The following KCNIP4 variants were observed in gnomAD, a reference collection of about 807,000 sequenced individuals.
KCNIP4 encodes the protein Kv channel-interacting protein 4.
Under a neutral mutation model 34.0 loss-of-function variants are expected in KCNIP4, and 12 were observed. The ratio of observed to expected loss-of-function variants is 0.35; its 90% CI spans 0.23 to 0.57. The LOEUF is 0.57. Among genes scored for constraint, KCNIP4 ranks in the 20% least tolerant of loss-of-function variants. The probability of loss-of-function intolerance (pLI) is 0.83; values close to 1 mark genes in which losing one functional copy is unlikely to be tolerated. For synonymous variants in KCNIP4, 124 were observed against 102.2 expected (o/e 1.21, Z -1.29); for missense variants, 238 against 311.7 (o/e 0.76, Z 1.78).
chr4:21,247,982 T>C (rs201440002), intron 1 of KCNIP4, among the ~76,000 whole-genome samples: 210 of 105,090 alleles, frequency 2.0e-3, no homozygotes, highest in Middle Eastern at 4.8e-3. Context: ...CATATATATA[T>C]ACACACACAC....
rs548461976 is a variant in KCNIP4 at position 21,569,532 on chromosome 4, A to G, written c.61+379039T>C. ...GCTTCCTCACATAGCAAAGGAGGTAAAATTCAAAAATGATATAAAAATAAG... is the reference window on the plus strand; with the variant it reads ...GCTTCCTCACATAGCAAAGGAGGTAGAATTCAAAAATGATATAAAAATAAG... On this transcript the variant is annotated intron_variant, in intron 1 of 8. Transcript: ENST00000382152. 3.3e-5 allele frequency among the ~76,000 whole-genome samples: 5 copies of G among 152,192 alleles called. No individual in the cohort carries two copies. In the East Asian group the frequency reaches 9.7e-4, roughly 29 times the overall value.
intron 1 of KCNIP4, among the ~76,000 whole-genome samples, chr4:21,200,386 A>G (rs939331494): frequency 6.6e-5 from 4 of 60,554 alleles, no homozygotes; most frequent in Non-Finnish European, 1.2e-4. Flanking sequence ...ATGTGTGTAT[A>G]TATATATATA....
At chr4:20,731,349 C>T (rs1748149331) in intron 8 of KCNIP4, 3 of 971,806 alleles carry the variant, frequency 3.1e-6, no homozygotes, top group Non-Finnish European at 3.7e-6. Context: ...GCTGGGATTA[C>T]AGTTGTGAGC....
chr4:21,838,063 T>C (rs1723458347), intron 1 of KCNIP4, among the ~76,000 whole-genome samples: 1 of 152,136 alleles, frequency 6.6e-6, no homozygotes, highest in Non-Finnish European at 1.5e-5. Context: ...ATATAAAACT[T>C]AAGGACAAAG....
intron 3 of KCNIP4, among the ~76,000 whole-genome samples, chr4:20,794,289 G>T (rs956074257): frequency 6.6e-6 from 1 of 152,156 alleles, no homozygotes; most frequent in Admixed American, 6.5e-5. Context: ...TTTGATAGGA[G>T]TCGGAGCTCA....
At chr4:20,885,500 C>A (rs1015511193) in intron 1 of KCNIP4, among the ~76,000 whole-genome samples, 2 of 151,868 alleles carry the variant, frequency 1.3e-5, no homozygotes, top group African/African-American at 4.8e-5. Context: ...ATCAGCAGCA[C>A]CCTTTCCATT....
intron 1 of KCNIP4, among the ~76,000 whole-genome samples, chr4:21,286,675 T>C (rs1239385138): frequency 6.6e-6 from 1 of 152,232 alleles, no homozygotes; most frequent in Non-Finnish European, 1.5e-5. Context: ...TGACATATGC[T>C]TGTGCTTTTC....
At chr4:21,175,864 G>A in intron 1 of KCNIP4, among the ~76,000 whole-genome samples, 1 of 152,118 alleles carries the variant, frequency 6.6e-6, no homozygotes, top group Admixed American at 6.6e-5. Context: ...ACTACAGAAA[G>A]GGAAACCCCA....
At chr4:20,778,759 A>G (rs1004270641) in intron 3 of KCNIP4, among the ~76,000 whole-genome samples, 1 of 152,236 alleles carries the variant, frequency 6.6e-6, no homozygotes. Flanking sequence ...AAGAGTTAAG[A>G]AATAAATGCA....
intron 1 of KCNIP4, among the ~76,000 whole-genome samples, chr4:21,423,808 A>ATT (rs58053047): frequency 1.6e-3 from 230 of 141,378 alleles, no homozygotes; most frequent in Admixed American, 2.1e-3. Flanking sequence ...ACTTATGAGA[A>ATT]TTTTTTTTTT....
At chr4:21,605,838 T>C (rs1294046890) in intron 1 of KCNIP4, among the ~76,000 whole-genome samples, 1 of 152,114 alleles carries the variant, frequency 6.6e-6, no homozygotes, top group Non-Finnish European at 1.5e-5. Context: ...ACAAAGATAG[T>C]TAACCATTCC....
At chr4:21,839,460 A>G (rs953049963) in intron 1 of KCNIP4, among the ~76,000 whole-genome samples, 1 of 152,174 alleles carries the variant, frequency 6.6e-6, no homozygotes, top group African/African-American at 2.4e-5. Flanking sequence ...TCTTTCCTAG[A>G]AAAAGAAAGA....
chr4:20,889,178 A>G (rs1481411640), intron 1 of KCNIP4, among the ~76,000 whole-genome samples: 1 of 152,106 alleles, frequency 6.6e-6, no homozygotes, highest in African/African-American at 2.4e-5. Context: ...CTTCATATTT[A>G]TAGTCATGAA....
intron 1 of KCNIP4, among the ~76,000 whole-genome samples, chr4:21,183,248 A>T (rs2109328265): frequency 6.6e-6 from 1 of 152,258 alleles, no homozygotes; most frequent in South Asian, 2.1e-4. Context: ...TTATTTATCC[A>T]TTCATCTGTC....
intron 4 of KCNIP4, among the ~76,000 whole-genome samples, chr4:20,754,252 T>A (rs920582209): frequency 6.6e-6 from 1 of 152,160 alleles, no homozygotes; most frequent in African/African-American, 2.4e-5. Context: ...TTTGATAAAC[T>A]GTTTCACAAA....
chr4:21,885,878 A>T (rs1452051505), intron 1 of KCNIP4, among the ~76,000 whole-genome samples: 2 of 152,154 alleles, frequency 1.3e-5, no homozygotes, highest in African/African-American at 4.8e-5. Context: ...CGAAGATGAG[A>T]ATATTCGCAC....
intron 1 of KCNIP4, among the ~76,000 whole-genome samples, chr4:21,398,609 G>A (rs1723212899): frequency 6.6e-6 from 1 of 152,170 alleles, no homozygotes; most frequent in Admixed American, 6.5e-5. Flanking sequence ...TCTTTAAATA[G>A]CTGTAGAGAA....
chr4:21,738,162 A>T (rs1716140200), intron 1 of KCNIP4, among the ~76,000 whole-genome samples: 1 of 151,768 alleles, frequency 6.6e-6, no homozygotes. Flanking sequence ...TAAAAGTCAA[A>T]TCTAATGAAT....
chr4:21,189,654 G>T (rs1755487438), intron 1 of KCNIP4, among the ~76,000 whole-genome samples: 1 of 151,966 alleles, frequency 6.6e-6, no homozygotes, highest in Non-Finnish European at 1.5e-5. Flanking sequence ...AAATAAAAAG[G>T]GTCCTTCTGA....
Sources: gnomAD v4.1 joint callset for allele counts (sites outside exome capture counted in the v4.1 genomes callset) on GRCh38, gnomAD v4.1.1 for gene constraint, MANE v1.5 for transcripts, NCBI Gene and HGNC (gene_info 2026-07-23, HGNC 2026-07-21) for gene names.